Variants in IQCM observed in about 807,000 individuals in gnomAD.
The protein encoded by IQCM is IQ domain-containing protein M.
In IQCM, 45 loss-of-function variants were observed where a neutral mutation model predicts 57.6. That is an observed-to-expected ratio of 0.78 (90% CI 0.62 to 1.00). IQCM has a LOEUF of 1.00. Among genes scored for constraint, IQCM ranks in the 50% least tolerant of loss-of-function variants. The pLI, the probability that IQCM is intolerant of heterozygous loss-of-function variation, is 0.00. For missense variants in IQCM, 468 were observed against 511.6 expected (o/e 0.91, Z 0.82); for synonymous variants, 148 against 158.9 (o/e 0.93, Z 0.51).
intron 13 of IQCM, among the ~76,000 whole-genome samples, chr4:149,426,118 G>T (rs1734445019): frequency 6.6e-6 from 1 of 151,958 alleles, no homozygotes; most frequent in African/African-American, 2.4e-5. Context: ...ACTAGAACTT[G>T]TTTTGAACCT....
intron 13 of IQCM, among the ~76,000 whole-genome samples, chr4:149,354,206 T>C (rs1453094028): frequency 6.8e-6 from 1 of 147,168 alleles, no homozygotes; most frequent in East Asian, 2.0e-4. Flanking sequence ...CTACTAAAAA[T>C]ACAAAAAATT....
At chr4:149,382,984 T>C (rs1044758169) in intron 13 of IQCM, among the ~76,000 whole-genome samples, 1 of 146,258 alleles carries the variant, frequency 6.8e-6, no homozygotes, top group Non-Finnish European at 1.5e-5. Context: ...AATGGTCATA[T>C]TCTTCAGCAA....
chr4:149,360,273 A>C (rs1343491272), intron 13 of IQCM, among the ~76,000 whole-genome samples: 1 of 152,240 alleles, frequency 6.6e-6, no homozygotes, highest in East Asian at 1.9e-4. Flanking sequence ...AAAAATTAAA[A>C]AATGCAGTGC....
chr4:149,575,166 T>C (rs1438082673), intron 9 of IQCM, among the ~76,000 whole-genome samples: 4 of 151,970 alleles, frequency 2.6e-5, no homozygotes, highest in Non-Finnish European at 4.4e-5. Context: ...GATACTCTTG[T>C]GCTTTGAATG....
chr4:149,368,974 GTGTATATATATACACGTGTATATA>G (rs1730138393), intron 13 of IQCM, among the ~76,000 whole-genome samples: 1 of 37,076 alleles, frequency 2.7e-5, no homozygotes, highest in African/African-American at 8.9e-5. Flanking sequence ...ATATATATAT[GTGTATATATATACACGTGTATATA>G]TATATATATA....
intron 2 of IQCM, among the ~76,000 whole-genome samples, chr4:149,780,531 T>TTATA (rs371081838): frequency 3.0e-4 from 41 of 138,242 alleles, no homozygotes; most frequent in African/African-American, 1.0e-3. Flanking sequence ...AATATGTAAG[T>TTATA]TATATATATA....
chr4:149,734,463 C>A (rs368655794), intron 4 of IQCM, among the ~76,000 whole-genome samples: 174 of 152,194 alleles, frequency 1.1e-3, no homozygotes, highest in African/African-American at 4.0e-3. Flanking sequence ...ATGTTGATTA[C>A]ATGATTAAAA....
chr4:149,588,072 C>T (rs905920172), intron 8 of IQCM, 75 bp from the exon 9 acceptor site: 19 of 539,408 alleles, frequency 3.5e-5, no homozygotes, highest in African/African-American at 1.6e-4. Context: ...ATTCCATTGA[C>T]GTTCTGTTAT....
chr4:149,622,637 C>A (rs1361266857), intron 7 of IQCM, among the ~76,000 whole-genome samples: 1 of 152,076 alleles, frequency 6.6e-6, no homozygotes, highest in African/African-American at 2.4e-5. Context: ...ATTTTAGTAC[C>A]TAAGAAGAAG....
chr4:149,697,321 C>T (rs1336128564), intron 5 of IQCM, among the ~76,000 whole-genome samples: 1 of 152,132 alleles, frequency 6.6e-6, no homozygotes, highest in African/African-American at 2.4e-5. Context: ...TTGTGCTGCA[C>T]CCATTAATGG....
chr4:149,543,332 G>A (rs1311640838), intron 12 of IQCM, among the ~76,000 whole-genome samples: 1 of 151,980 alleles, frequency 6.6e-6, no homozygotes, highest in Non-Finnish European at 1.5e-5. Flanking sequence ...GGAAAATCTG[G>A]ATTTTCATAA....
At chr4:149,459,746 T>A (rs536713661) in intron 12 of IQCM, among the ~76,000 whole-genome samples, 4 of 152,342 alleles carry the variant, frequency 2.6e-5, no homozygotes, top group Non-Finnish European at 4.4e-5. Flanking sequence ...TTAATTTATG[T>A]CGTAGTATAT....
chr4:149,371,628 A>G (rs1010613479), intron 13 of IQCM, among the ~76,000 whole-genome samples: 2 of 152,168 alleles, frequency 1.3e-5, no homozygotes, highest in African/African-American at 4.8e-5. Context: ...GATGAAAACT[A>G]AGATTAGTCA....
At chr4:149,674,170 T>C (rs2150185714) in intron 7 of IQCM, among the ~76,000 whole-genome samples, 1 of 152,242 alleles carries the variant, frequency 6.6e-6, no homozygotes, top group African/African-American at 2.4e-5. Context: ...GTATTTTTTA[T>C]TAAAAATGAA....
chr4:149,464,108 T>G (rs371500165), intron 12 of IQCM, among the ~76,000 whole-genome samples: 1 of 152,178 alleles, frequency 6.6e-6, no homozygotes, highest in Non-Finnish European at 1.5e-5. Context: ...TTCCTCTTAC[T>G]GTATATGTAA....
intron 12 of IQCM, among the ~76,000 whole-genome samples, chr4:149,540,930 AC>A (rs1439412782): frequency 2.6e-5 from 4 of 152,010 alleles, no homozygotes; most frequent in Non-Finnish European, 5.9e-5. Context: ...AAATAAGGCT[AC>A]TCTAACATGT....
At chr4:149,495,348 C>T (rs1489345827) in intron 12 of IQCM, among the ~76,000 whole-genome samples, 1 of 152,022 alleles carries the variant, frequency 6.6e-6, no homozygotes, top group African/African-American at 2.4e-5. Context: ...AGTTTGAGAG[C>T]CTTACTTATT....
chr4:149,418,258 G>A (rs1733889975), intron 13 of IQCM, among the ~76,000 whole-genome samples: 2 of 151,170 alleles, frequency 1.3e-5, no homozygotes, highest in African/African-American at 4.9e-5. Flanking sequence ...AAGATAAAGG[G>A]GATATTACCA....
chr4:149,622,305 A>G (rs867853830), intron 7 of IQCM, among the ~76,000 whole-genome samples: 2 of 151,578 alleles, frequency 1.3e-5, no homozygotes, highest in Non-Finnish European at 2.9e-5. Flanking sequence ...ACACAATCAT[A>G]TATTTCAATC....
Sources: allele counts gnomAD v4.1 joint callset (sites outside exome capture counted in the v4.1 genomes callset), GRCh38; gene constraint gnomAD v4.1.1; transcripts MANE v1.5; gene names NCBI Gene and HGNC (gene_info 2026-07-23, HGNC 2026-07-21).